SRRM4: variants seen among roughly 807,000 people sequenced by gnomAD.
The protein encoded by SRRM4 is serine/arginine repetitive matrix 4.
Under a neutral mutation model 68.9 loss-of-function variants are expected in SRRM4, and 33 were observed. The observed-to-expected ratio is 0.48, with a 90% CI of 0.36 to 0.64. The LOEUF (loss-of-function observed/expected upper bound fraction) is 0.64. Ranked by LOEUF, SRRM4 falls within the 30% of genes least tolerant of loss-of-function variation. The pLI, the probability that SRRM4 is intolerant of heterozygous loss-of-function variation, is 0.00. For synonymous variants in SRRM4, 318 were observed against 318.8 expected, an observed-to-expected ratio of 1.00 and a Z score of 0.03; for missense variants, 817 against 827.1, an observed-to-expected ratio of 0.99 and a Z score of 0.15.
At chr12:119,138,481 A>G (rs2136061986) in intron 8 of SRRM4, among the ~76,000 whole-genome samples, 1 of 152,258 alleles carries the variant, frequency 6.6e-6, no homozygotes, top group South Asian at 2.1e-4. Flanking sequence ...TGGACATACT[A>G]GAGAATTGAT....
intron 8 of SRRM4, among the ~76,000 whole-genome samples, chr12:119,138,322 G>C (rs772428189): frequency 6.6e-6 from 1 of 152,126 alleles, no homozygotes; most frequent in East Asian, 1.9e-4. Flanking sequence ...TCGGCTCACC[G>C]GTTTTCCAGT....
intron 1 of SRRM4, among the ~76,000 whole-genome samples, chr12:119,054,576 T>A (rs1168059866): frequency 6.6e-6 from 1 of 152,148 alleles, no homozygotes; most frequent in African/African-American, 2.4e-5. Flanking sequence ...TTGTTGTTGA[T>A]GATGAGGGTG....
chr12:119,114,315 T>A lies in SRRM4; in HGVS notation c.316T>A (p.Ser106Thr). 6.2e-7 allele frequency: 1 copy of A among 1,612,212 alleles called. No homozygotes were observed. Among genetic ancestry groups the A allele is most frequent in the Non-Finnish European group, 8.5e-7 (1 of 1,179,240 alleles). The stretch of plus-strand genomic sequence containing the variant: ...CAAAGACTTGACACCACCACCTTCC[T>A]CCAGGGGAAAGAAGAAAAAGAAGAA... ...HDKDLTPPPS[S>T]RGKKKKKKST... The change falls in exon 3 of 13, where the codon TCC (serine) becomes ACC (threonine). Residue 106 changes from serine to threonine, a missense_variant. Coordinates refer to ENST00000267260, the MANE Select transcript of SRRM4 (RefSeq NM_194286.4).
chr12:119,151,206 C>T lies in SRRM4; in HGVS notation c.1266C>T (p.Thr422=), dbSNP rs761572995. 1 of 1,613,844 alleles carries T rather than the reference C, an allele frequency of 6.2e-7. No homozygotes were observed. Among genetic ancestry groups the T allele is most frequent in the South Asian group, 1.1e-5 (1 of 91,088 alleles). ...CCAGGTACACCCAAAGCCGATCCACCTCTTCTGAAAAAAGGTGAGTGTGGT... is the reference window on the plus strand; with the variant it reads ...CCAGGTACACCCAAAGCCGATCCACTTCTTCTGAAAAAAGGTGAGTGTGGT... The part of the protein sequence containing the change: ...ASPRYTQSRS[T]SSEKRSYSRS... The change falls in exon 10 of 13, where the codon ACC becomes ACT. Residue 422 remains threonine, a synonymous_variant. Coordinates refer to ENST00000267260, the MANE Select transcript of SRRM4 (RefSeq NM_194286.4).
rs1173805555 is a variant in SRRM4 at position 119,122,133 on chromosome 12, T to G, written c.515+13T>G. 6 of 1,584,348 alleles carry G rather than the reference T, an allele frequency of 3.8e-6. No homozygotes were observed. Among genetic ancestry groups the G allele is most frequent in the Non-Finnish European group, 5.2e-6 (6 of 1,152,880 alleles). Reference sequence around the variant, plus strand: ...GGCACAAGAAACAGTAAGTAGATACTACCTGGAATGTACTCATCAGTTTGA... The same window carrying G: ...GGCACAAGAAACAGTAAGTAGATACGACCTGGAATGTACTCATCAGTTTGA... On this transcript the variant is annotated intron_variant, in intron 6 of 12. Transcript: ENST00000267260.
In SRRM4 at chr12:119,119,050, ATT is replaced by A. The variant is rs34814921; in HGVS notation, c.438-1184_438-1183del. On this transcript the variant is annotated intron_variant, in intron 4 of 12. Transcript: ENST00000267260. ...ACCTAGGGGTAGCGAAAGCACTGAGATTTTTTTTTTTTTTTTTGTCTCTCCTC... is the reference window on the plus strand; with the variant it reads ...ACCTAGGGGTAGCGAAAGCACTGAGATTTTTTTTTTTTTTTGTCTCTCCTC... Among the ~76,000 whole-genome samples, 55 of 135,730 alleles carry A rather than the reference ATT, an allele frequency of 4.1e-4. 1 individual carries two copies. The highest frequency in any genetic ancestry group is 1.5e-3 in the South Asian group (6 of 4,134). The allele number at this position is 135,730 out of a possible 152,430, so 89.0% of individuals were successfully genotyped here. A position where few individuals can be genotyped will look rare whatever the true frequency, so the allele number is the denominator to read the frequency against.
chr12:119,077,665 T>C (rs866506535), intron 1 of SRRM4, among the ~76,000 whole-genome samples: 2 of 152,218 alleles, frequency 1.3e-5, no homozygotes, highest in Non-Finnish European at 2.9e-5. Flanking sequence ...GTAGCAATTA[T>C]AATAATATCT....
intron 7 of SRRM4, among the ~76,000 whole-genome samples, chr12:119,126,399 T>C (rs944067330): frequency 1.3e-5 from 2 of 152,116 alleles, no homozygotes; most frequent in African/African-American, 4.8e-5. Context: ...TTATCCCCAT[T>C]TTAAATATGA....
chr12:119,019,075 C>T (rs1953498486), intron 1 of SRRM4, among the ~76,000 whole-genome samples: 1 of 152,168 alleles, frequency 6.6e-6, no homozygotes, highest in Non-Finnish European at 1.5e-5. Flanking sequence ...CCCTTCATAA[C>T]CTTCCTGGTC....
chr12:118,985,446 A>G (rs868534208), intron 1 of SRRM4, among the ~76,000 whole-genome samples: 10 of 152,336 alleles, frequency 6.6e-5, no homozygotes, highest in Middle Eastern at 3.4e-3. Context: ...CATCAAATCT[A>G]CAGTGACTAT....
At chr12:119,105,283 C>A (rs12304358) in intron 2 of SRRM4, among the ~76,000 whole-genome samples, 2 of 151,760 alleles carry the variant, frequency 1.3e-5, no homozygotes, top group East Asian at 1.9e-4. Context: ...TAAACATACA[C>A]GTGCATGTGT....
intron 1 of SRRM4, among the ~76,000 whole-genome samples, chr12:119,025,994 G>A (rs1953546226): frequency 6.6e-6 from 1 of 152,024 alleles, no homozygotes; most frequent in South Asian, 2.1e-4. Context: ...CGGCCACCGA[G>A]CCATTGGCTG....
At chr12:119,113,131 T>G (rs568660899) in intron 2 of SRRM4, among the ~76,000 whole-genome samples, 33 of 152,322 alleles carry the variant, frequency 2.2e-4, no homozygotes, top group African/African-American at 7.5e-4. Flanking sequence ...TAAATATAGC[T>G]ATATGATTCT....
At chr12:119,130,616 C>T (rs7298308) in intron 7 of SRRM4, 62 bp from the exon 8 acceptor site, 2 of 1,521,162 alleles carry the variant, frequency 1.3e-6, no homozygotes, top group Admixed American at 1.9e-5. Flanking sequence ...GTTGGTCCTG[C>T]ATACATCTCC....
At position 119,153,598 on chromosome 12, in the gene SRRM4, G is replaced by T. The variant is rs762511438; in HGVS notation, c.1340G>T (p.Arg447Ile). The T allele has an allele frequency of 3.9e-5, 62 of 1,573,598 alleles. No homozygotes were observed. Among genetic ancestry groups the T allele is most frequent in the Non-Finnish European group, 5.1e-5 (59 of 1,160,526 alleles). The change falls in exon 11 of 13, where the codon AGA (arginine) becomes ATA (isoleucine). Residue 447 changes from arginine (R) to isoleucine (I), a missense_variant. By Grantham distance (97) the Arg-to-Ile change is moderately conservative. Transcript: ENST00000267260. Reference sequence around the variant, plus strand: ...TCTGGCAAGAGGAGCCCGCCCAGCAGAAGCTCTAGGTCCCGCCGCAGCCCT... The same window carrying T: ...TCTGGCAAGAGGAGCCCGCCCAGCATAAGCTCTAGGTCCCGCCGCAGCCCT... Reference protein sequence around the residue: ...SKSGKRSPPSRSSRSRRSPSY... With the variant: ...SKSGKRSPPSISSRSRRSPSY...
intron 1 of SRRM4, among the ~76,000 whole-genome samples, chr12:119,059,598 G>T (rs1388655943): frequency 6.6e-6 from 1 of 152,154 alleles, no homozygotes; most frequent in Non-Finnish European, 1.5e-5. Context: ...TACATTGTAG[G>T]GTGAAAGTTG....
intron 6 of SRRM4, among the ~76,000 whole-genome samples, chr12:119,123,283 G>A (rs1338936439): frequency 6.6e-6 from 1 of 152,218 alleles, no homozygotes; most frequent in African/African-American, 2.4e-5. Context: ...GAAGAAAGCA[G>A]TAGAGCCTTG....
chr12:119,116,967 G>A lies in SRRM4; in HGVS notation c.396G>A (p.Lys132=), dbSNP rs544820953. ...RSSSYSPSPV[K]KKKKKSSKKH... is the part of the protein sequence containing the mutation. ...CATCCTATAGCCCATCGCCTGTCAA[G>A]AAAAAGAAGAAGAAAAGTTCCAAGA... The change falls in exon 4 of 13, where the codon AAG becomes AAA. Residue 132 remains lysine, a synonymous_variant. Transcript: ENST00000267260. 124 of 1,608,398 alleles carry A rather than the reference G, an allele frequency of 7.7e-5. 1 individual carries two copies. The highest frequency in any genetic ancestry group is 9.9e-5 in the Non-Finnish European group (116 of 1,177,210).
At chr12:119,033,069 T>C (rs1234431049) in intron 1 of SRRM4, among the ~76,000 whole-genome samples, 1 of 152,224 alleles carries the variant, frequency 6.6e-6, no homozygotes, top group Non-Finnish European at 1.5e-5. Context: ...AGTTTTTATA[T>C]GTATATATCC....
Sources: allele counts gnomAD v4.1 joint callset (sites outside exome capture counted in the v4.1 genomes callset), GRCh38; gene constraint gnomAD v4.1.1; transcripts MANE v1.5; gene names NCBI Gene and HGNC (gene_info 2026-07-23, HGNC 2026-07-21).